ESR1: variants seen among roughly 807,000 people sequenced by gnomAD.
ESR1 encodes the protein estrogen receptor 1.
In ESR1, 12 loss-of-function variants were observed where a neutral mutation model predicts 52.7. That is an observed-to-expected ratio of 0.23 (90% CI 0.15 to 0.37). The LOEUF (loss-of-function observed/expected upper bound fraction) is 0.37, where lower values mean the gene tolerates loss of function less well. ESR1 is among the 10% of genes least tolerant of loss of function. The probability of loss-of-function intolerance (pLI) is 1.00; values close to 1 mark genes in which losing one functional copy is unlikely to be tolerated. For synonymous variants in ESR1, 305 were observed against 316.8 expected (o/e 0.96, Z 0.39); for missense variants, 584 against 779.7 (o/e 0.75, Z 2.99).
At chr6:152,071,533 C>A (rs978953177) in intron 6 of ESR1, among the ~76,000 whole-genome samples, 2 of 152,126 alleles carry the variant, frequency 1.3e-5, no homozygotes, top group Non-Finnish European at 2.9e-5. Flanking sequence ...TAGCGTCTAC[C>A]TCATAGGGCT....
intron 6 of ESR1, among the ~76,000 whole-genome samples, chr6:152,068,747 C>T (rs950658575): frequency 6.6e-6 from 1 of 152,110 alleles, no homozygotes; most frequent in Non-Finnish European, 1.5e-5. Context: ...CTACTGGCAT[C>T]GACAATTGAA....
intron 1 of ESR1, among the ~76,000 whole-genome samples, chr6:151,672,526 G>A (rs1436999237): frequency 1.3e-5 from 2 of 151,392 alleles, no homozygotes; most frequent in East Asian, 2.0e-4. Context: ...TAGCAGAGTC[G>A]GGGTTTCGCC....
intron 1 of ESR1, among the ~76,000 whole-genome samples, chr6:151,671,234 T>C (rs1400493756): frequency 6.6e-6 from 1 of 152,190 alleles, no homozygotes; most frequent in Non-Finnish European, 1.5e-5. Flanking sequence ...TGCACCCCCA[T>C]GTTCACTGTA....
At chr6:152,029,778 G>A (rs1311190807) in intron 5 of ESR1, among the ~76,000 whole-genome samples, 1 of 152,122 alleles carries the variant, frequency 6.6e-6, no homozygotes. Flanking sequence ...TCACATTCAG[G>A]AAATACAGAG....
chr6:151,915,415 T>G (rs2029873066), intron 3 of ESR1, among the ~76,000 whole-genome samples: 1 of 152,204 alleles, frequency 6.6e-6, no homozygotes, highest in Non-Finnish European at 1.5e-5. Context: ...ACAGGAGCAT[T>G]TCCCCCTTAT....
At chr6:151,857,738 A>G (rs1280924299) in intron 2 of ESR1, among the ~76,000 whole-genome samples, 1 of 152,034 alleles carries the variant, frequency 6.6e-6, no homozygotes. Context: ...CATGTTGGCC[A>G]TGCTAGTCTC....
intron 5 of ESR1, among the ~76,000 whole-genome samples, chr6:152,028,378 G>A (rs900582196): frequency 1.3e-5 from 2 of 152,162 alleles, no homozygotes; most frequent in African/African-American, 4.8e-5. Context: ...AAGGGGTCAG[G>A]GAATTCCCTT....
intron 5 of ESR1, among the ~76,000 whole-genome samples, chr6:152,050,896 G>C (rs1343441605): frequency 6.6e-6 from 1 of 152,202 alleles, no homozygotes; most frequent in East Asian, 1.9e-4. Flanking sequence ...TTGTCACTCA[G>C]CTGTTTAATA....
intron 2 of ESR1, among the ~76,000 whole-genome samples, chr6:151,747,577 T>G (rs926839784): frequency 2.6e-5 from 4 of 152,172 alleles, no homozygotes; most frequent in Non-Finnish European, 5.9e-5. Context: ...TTTATTGAAA[T>G]ATATTTTGCA....
intron 4 of ESR1, among the ~76,000 whole-genome samples, chr6:152,003,232 T>G (rs2042089037): frequency 6.6e-6 from 1 of 151,916 alleles, no homozygotes; most frequent in Admixed American, 6.6e-5. Flanking sequence ...TTATTTTTCT[T>G]TCTGGAGTCA....
intron 1 of ESR1, 78 bp downstream of exon 1, chr6:151,808,442 A>C (rs1778234422): frequency 1.7e-6 from 2 of 1,161,520 alleles, no homozygotes; most frequent in Admixed American, 7.8e-5. Flanking sequence ...GAGAAGGGAG[A>C]GCCTAGGGAG....
chr6:152,028,710 C>A (rs1481679921), intron 5 of ESR1, among the ~76,000 whole-genome samples: 3 of 152,246 alleles, frequency 2.0e-5, no homozygotes, highest in African/African-American at 7.2e-5. Flanking sequence ...TAGACTCCAC[C>A]TCTGGGGGCA....
chr6:151,955,802 A>G (rs2036840890), intron 4 of ESR1, among the ~76,000 whole-genome samples: 1 of 152,098 alleles, frequency 6.6e-6, no homozygotes, highest in South Asian at 2.1e-4. Flanking sequence ...GGGGCTTGGT[A>G]CACAGATTAT....
chr6:151,899,030 T>A (rs1467808241), intron 3 of ESR1, among the ~76,000 whole-genome samples: 1 of 146,898 alleles, frequency 6.8e-6, no homozygotes, highest in Non-Finnish European at 1.5e-5. Context: ...GGCGGGGGGC[T>A]GAACCCCCAC....
intron 2 of ESR1, among the ~76,000 whole-genome samples, chr6:151,799,370 G>T (rs1373934549): frequency 6.6e-6 from 1 of 152,226 alleles, no homozygotes; most frequent in Non-Finnish European, 1.5e-5. Context: ...AATGTGAGTT[G>T]TTCTAGAAAA....
chr6:151,940,713 G>A (rs1360151299), intron 3 of ESR1, among the ~76,000 whole-genome samples: 3 of 152,016 alleles, frequency 2.0e-5, no homozygotes, highest in East Asian at 1.9e-4. Context: ...CTGTGCTTTC[G>A]GCAGTTCATT....
chr6:151,922,407 G>A (rs1025429125), intron 3 of ESR1, among the ~76,000 whole-genome samples: 1 of 152,110 alleles, frequency 6.6e-6, no homozygotes, highest in African/African-American at 2.4e-5. Context: ...TAAATTATTT[G>A]GAAGTGTCTA....
At chr6:152,052,917 A>C (rs1262307043) in intron 5 of ESR1, among the ~76,000 whole-genome samples, 7 of 152,176 alleles carry the variant, frequency 4.6e-5, no homozygotes, top group Admixed American at 4.6e-4. Context: ...CAGAAACCCA[A>C]GGACATTGCT....
rs1472203192 is a variant in ESR1 at position 152,027,971 on chromosome 6, G to A, written c.1235+16177G>A. On this transcript the variant is annotated intron_variant, in intron 5 of 7. Transcript: ENST00000206249. ...ATCCTGGATAACATGGTGAAACCCC[G>A]TCTCTACTAAAAATACAAAAAATAT... Among the ~76,000 whole-genome samples the A allele has an allele frequency of 6.6e-5, 10 of 152,092 alleles. No homozygotes were observed. The South Asian group carries it at 8.3e-4, about 13-fold the overall frequency.
Sources: allele counts gnomAD v4.1 joint callset (sites outside exome capture counted in the v4.1 genomes callset), GRCh38; gene constraint gnomAD v4.1.1; transcripts MANE v1.5; gene names NCBI Gene and HGNC (gene_info 2026-07-23, HGNC 2026-07-21).